Variants in EDIL3 observed in about 807,000 individuals in gnomAD.
The protein encoded by EDIL3 is EGF like and discoidin domains 3.
EDIL3 carries 37 observed loss-of-function variants against 67.4 expected under a neutral mutation model. The observed-to-expected ratio is 0.55, with a 90% CI of 0.42 to 0.72. EDIL3 has a LOEUF of 0.72. Among genes scored for constraint, EDIL3 ranks in the 30% least tolerant of loss-of-function variants. The pLI is 0.00. For missense variants in EDIL3, 527 were observed against 586.3 expected (o/e 0.90, Z 1.04); for synonymous variants, 195 against 196.3 (o/e 0.99, Z 0.05).
chr5:84,252,718 CTA>C (rs1745048388), intron 2 of EDIL3, among the ~76,000 whole-genome samples: 1 of 151,856 alleles, frequency 6.6e-6, no homozygotes, highest in Non-Finnish European at 1.5e-5. Flanking sequence ...ATTTATGACT[CTA>C]ATTTTCTTCA....
chr5:84,064,111 C>A (rs1746590868), intron 8 of EDIL3, among the ~76,000 whole-genome samples: 1 of 152,020 alleles, frequency 6.6e-6, no homozygotes, highest in Non-Finnish European at 1.5e-5. Context: ...AGTTGGATAA[C>A]CACTATTTTT....
intron 9 of EDIL3, among the ~76,000 whole-genome samples, chr5:84,008,958 A>T (rs926003888): frequency 2.6e-5 from 4 of 152,150 alleles, no homozygotes; most frequent in Admixed American, 2.6e-4. Flanking sequence ...GATTACAGGT[A>T]TGCACCACCA....
chr5:84,291,539 C>A (rs780735214), intron 1 of EDIL3, among the ~76,000 whole-genome samples: 2 of 151,064 alleles, frequency 1.3e-5, no homozygotes, highest in East Asian at 3.9e-4. Flanking sequence ...AATAACAAAC[C>A]GAATAGAATT....
At chr5:84,104,994 A>G (rs1045977828) in intron 6 of EDIL3, among the ~76,000 whole-genome samples, 14 of 152,096 alleles carry the variant, frequency 9.2e-5, no homozygotes, top group African/African-American at 3.4e-4. Context: ...TGGTGATATC[A>G]TCTCTCAACT....
At chr5:83,951,767 GA>G (rs1744426053) in intron 10 of EDIL3, among the ~76,000 whole-genome samples, 1 of 151,758 alleles carries the variant, frequency 6.6e-6, no homozygotes. Context: ...TATTGGAAAA[GA>G]GGAGGAAATA....
chr5:84,262,151 T>C lies in EDIL3; in HGVS notation c.68-7939A>G, dbSNP rs192184404. ...GGACATTCGAAATGAACTAATCCAG[T>C]GGTTCTCAGACTTTACTGCATATTA... On this transcript the variant is annotated intron_variant, in intron 1 of 10. Transcript: ENST00000296591. Among the ~76,000 whole-genome samples, 5 of 152,304 alleles carry C rather than the reference T, an allele frequency of 3.3e-5. No individual in the cohort carries two copies. The East Asian group carries it at 9.7e-4, about 29-fold the overall frequency.
At chr5:84,040,711 T>A (rs2112213099) in intron 9 of EDIL3, among the ~76,000 whole-genome samples, 1 of 152,180 alleles carries the variant, frequency 6.6e-6, no homozygotes, top group Admixed American at 6.5e-5. Context: ...GGAATTTTTA[T>A]CCTTTGGATA....
At chr5:84,187,542 A>T (rs1743490454) in intron 3 of EDIL3, among the ~76,000 whole-genome samples, 1 of 152,136 alleles carries the variant, frequency 6.6e-6, no homozygotes, top group Non-Finnish European at 1.5e-5. Flanking sequence ...TAGTAAGGAA[A>T]TGCCAGTAAG....
chr5:84,062,021 C>T (rs1209226508), intron 8 of EDIL3, among the ~76,000 whole-genome samples: 3 of 152,042 alleles, frequency 2.0e-5, no homozygotes, highest in South Asian at 2.1e-4. Flanking sequence ...CCTTCACCTC[C>T]ACCATCTAGG....
intron 1 of EDIL3, among the ~76,000 whole-genome samples, chr5:84,382,619 C>A (rs564151530): frequency 6.6e-6 from 1 of 152,156 alleles, no homozygotes; most frequent in Admixed American, 6.5e-5. Context: ...GTCCTTCCCC[C>A]TTCCCTTCCT....
chr5:84,359,709 T>C (rs1181527442), intron 1 of EDIL3, among the ~76,000 whole-genome samples: 1 of 152,190 alleles, frequency 6.6e-6, no homozygotes, highest in East Asian at 1.9e-4. Flanking sequence ...GAAACGGGGT[T>C]ATTCAGCCAT....
intron 1 of EDIL3, among the ~76,000 whole-genome samples, chr5:84,264,887 A>T (rs910646050): frequency 6.6e-6 from 1 of 152,226 alleles, no homozygotes; most frequent in Non-Finnish European, 1.5e-5. Flanking sequence ...TGCCACGTCC[A>T]GCTGTAGAAG....
intron 1 of EDIL3, among the ~76,000 whole-genome samples, chr5:84,352,758 A>T (rs1337561364): frequency 1.3e-5 from 2 of 152,160 alleles, no homozygotes; most frequent in African/African-American, 4.8e-5. Flanking sequence ...TATCCACATA[A>T]CACAACTGCA....
chr5:84,216,895 T>C (rs933988586), intron 3 of EDIL3, among the ~76,000 whole-genome samples: 1 of 152,182 alleles, frequency 6.6e-6, no homozygotes, highest in Non-Finnish European at 1.5e-5. Context: ...GTGCCCTTAT[T>C]GTCCCATTTC....
chr5:84,338,529 A>G (rs1747033910), intron 1 of EDIL3, among the ~76,000 whole-genome samples: 1 of 152,070 alleles, frequency 6.6e-6, no homozygotes, highest in Non-Finnish European at 1.5e-5. Flanking sequence ...GTGCTTTTCT[A>G]ATGATGGACC....
At chr5:84,308,627 T>C (rs1264055966) in intron 1 of EDIL3, among the ~76,000 whole-genome samples, 1 of 152,188 alleles carries the variant, frequency 6.6e-6, no homozygotes, top group African/African-American at 2.4e-5. Flanking sequence ...TCTCAGGAAG[T>C]AATTTTTAGA....
chr5:84,037,025 G>T (rs573937826), intron 9 of EDIL3, among the ~76,000 whole-genome samples: 1 of 152,276 alleles, frequency 6.6e-6, no homozygotes, highest in South Asian at 2.1e-4. Context: ...AAGGCTGTAT[G>T]GGTTCTGTTT....
intron 2 of EDIL3, among the ~76,000 whole-genome samples, chr5:84,234,697 GTATAT>G (rs1203940062): frequency 1.3e-5 from 2 of 152,052 alleles, no homozygotes; most frequent in South Asian, 2.1e-4. Context: ...ACATTTCTTA[GTATAT>G]TATAACATAT....
At chr5:84,292,578 A>ATG (rs1745945241) in intron 1 of EDIL3, among the ~76,000 whole-genome samples, 1 of 152,214 alleles carries the variant, frequency 6.6e-6, no homozygotes. Flanking sequence ...TTTATTGTTA[A>ATG]TGTTTGAAAA....
Sources: allele counts gnomAD v4.1 joint callset (sites outside exome capture counted in the v4.1 genomes callset), GRCh38; gene constraint gnomAD v4.1.1; transcripts MANE v1.5; gene names NCBI Gene and HGNC (gene_info 2026-07-23, HGNC 2026-07-21).